The following RNF220 variants were observed in gnomAD, a reference collection of about 807,000 sequenced individuals.
RNF220 encodes the protein E3 ubiquitin-protein ligase RNF220.
In RNF220, 7 loss-of-function variants were observed where a neutral mutation model predicts 67.1. The ratio of observed to expected loss-of-function variants is 0.10; its 90% CI spans 0.06 to 0.20. The LOEUF is 0.20. Among genes scored for constraint, RNF220 ranks in the 10% least tolerant of loss-of-function variants. The probability of loss-of-function intolerance (pLI) is 1.00; values close to 1 mark genes in which losing one functional copy is unlikely to be tolerated. For synonymous variants in RNF220, 270 were observed against 283.2 expected (o/e 0.95, Z 0.47); for missense variants, 565 against 740.3 (o/e 0.76, Z 2.75).
chr1:44,591,035 C>G (rs1159842442), intron 2 of RNF220, among the ~76,000 whole-genome samples: 1 of 152,178 alleles, frequency 6.6e-6, no homozygotes, highest in African/African-American at 2.4e-5. Flanking sequence ...GATCTCAGCT[C>G]ACTGCAACCT....
chr1:44,489,814 C>T (rs1173542656), intron 2 of RNF220, among the ~76,000 whole-genome samples: 5 of 152,124 alleles, frequency 3.3e-5, no homozygotes, highest in Non-Finnish European at 7.4e-5. Flanking sequence ...CACCAGAATC[C>T]CATTGGCTGA....
At chr1:44,559,814 G>A (rs932186860) in intron 2 of RNF220, among the ~76,000 whole-genome samples, 4 of 152,252 alleles carry the variant, frequency 2.6e-5, no homozygotes, top group Admixed American at 2.0e-4. Context: ...TCTCTGCATC[G>A]ATGTCACTGT....
At chr1:44,455,312 A>G (rs1019715469) in intron 2 of RNF220, among the ~76,000 whole-genome samples, 13 of 152,210 alleles carry the variant, frequency 8.5e-5, no homozygotes, top group South Asian at 2.1e-4. Context: ...ACAGGATGGG[A>G]AAATGGAATC....
intron 2 of RNF220, among the ~76,000 whole-genome samples, chr1:44,496,905 G>A (rs1002687165): frequency 6.6e-6 from 1 of 152,188 alleles, no homozygotes; most frequent in Non-Finnish European, 1.5e-5. Flanking sequence ...AGCTGCGGGC[G>A]GCACCTCCAC....
chr1:44,607,729 TC>T (rs1667375895), intron 2 of RNF220, among the ~76,000 whole-genome samples: 1 of 152,102 alleles, frequency 6.6e-6, no homozygotes, highest in Non-Finnish European at 1.5e-5. Context: ...GACCTCGTGA[TC>T]CGCCCGCCTC....
chr1:44,504,535 G>A (rs1305526778), intron 2 of RNF220, among the ~76,000 whole-genome samples: 5 of 150,664 alleles, frequency 3.3e-5, no homozygotes, highest in Non-Finnish European at 5.9e-5. Flanking sequence ...TTAGGGATCC[G>A]GGTTTGTGAC....
intron 2 of RNF220, among the ~76,000 whole-genome samples, chr1:44,540,214 G>C (rs367922985): frequency 6.6e-6 from 1 of 152,160 alleles, no homozygotes; most frequent in Non-Finnish European, 1.5e-5. Flanking sequence ...TCTTCCCCAG[G>C]CTGCAGCAAG....
chr1:44,595,104 G>A (rs1558075585), intron 2 of RNF220, among the ~76,000 whole-genome samples: 1 of 152,146 alleles, frequency 6.6e-6, no homozygotes, highest in Non-Finnish European at 1.5e-5. Flanking sequence ...CAAAATCTAG[G>A]ATCCACTCTA....
intron 2 of RNF220, among the ~76,000 whole-genome samples, chr1:44,515,453 A>G (rs898376161): frequency 1.3e-5 from 2 of 152,202 alleles, no homozygotes; most frequent in African/African-American, 2.4e-5. Context: ...TGCTCTAGGA[A>G]TGAAGAAGTC....
chr1:44,454,604 GT>G (rs1278223346), intron 2 of RNF220, among the ~76,000 whole-genome samples: 1 of 146,790 alleles, frequency 6.8e-6, no homozygotes, highest in South Asian at 2.1e-4. Flanking sequence ...CAAGTTTATT[GT>G]TTTTTTGTTT....
intron 2 of RNF220, among the ~76,000 whole-genome samples, chr1:44,581,879 C>A (rs1665304708): frequency 6.6e-6 from 1 of 152,178 alleles, no homozygotes; most frequent in Non-Finnish European, 1.5e-5. Context: ...AGGTGTGAAG[C>A]AGCTGTGCCC....
chr1:44,547,190 T>C (rs562732186), intron 2 of RNF220, among the ~76,000 whole-genome samples: 3 of 152,334 alleles, frequency 2.0e-5, no homozygotes, highest in Admixed American at 6.5e-5. Context: ...GTCACAAAAA[T>C]GCAACTGGAC....
chr1:44,641,573 G>A (rs1349594021), intron 8 of RNF220, among the ~76,000 whole-genome samples: 1 of 152,236 alleles, frequency 6.6e-6, no homozygotes, highest in Non-Finnish European at 1.5e-5. Flanking sequence ...CTCTCCAAGC[G>A]GGAGGGGGGG....
At chr1:44,625,971 G>C (rs1643927590) in intron 4 of RNF220, among the ~76,000 whole-genome samples, 1 of 152,142 alleles carries the variant, frequency 6.6e-6, no homozygotes, top group Non-Finnish European at 1.5e-5. Flanking sequence ...GGGGATCCCA[G>C]AGTCTCTGCT....
At position 44,417,529 on chromosome 1, in the gene RNF220, G is replaced by A. The variant is rs527886301; in HGVS notation, c.625+4807G>A. Among the ~76,000 whole-genome samples the A allele has an allele frequency of 2.3e-3, 345 of 152,176 alleles. No individual in the cohort carries two copies. The highest frequency in any genetic ancestry group is 7.6e-3 in the African/African-American group (315 of 41,514). On this transcript the variant is annotated intron_variant, in intron 2 of 14. Transcript: ENST00000361799. This position sits in a 1 kb window ranked among gnomAD's most constrained non-coding sequence, Gnocchi z 4.0. ...GTGCTCCCGCTCTTCCCCTGCCCTC[G>A]CTCCACGCCGCGCCGCTCTGTGCGG...
intron 2 of RNF220, among the ~76,000 whole-genome samples, chr1:44,514,723 C>T (rs1307570787): frequency 1.3e-5 from 2 of 152,166 alleles, no homozygotes; most frequent in Admixed American, 6.5e-5. Flanking sequence ...AACATGATAA[C>T]AAGACCCATA....
chr1:44,412,158 G>A lies in RNF220; in HGVS notation c.61G>A (p.Ala21Thr), dbSNP rs565772939. The change falls in exon 2 of 15, where the codon GCA (alanine) becomes ACA (threonine). Residue 21 changes from alanine to threonine, a missense_variant. Coordinates refer to ENST00000361799, the MANE Select transcript of RNF220 (RefSeq NM_018150.4). This position sits in a 1 kb window ranked among gnomAD's most constrained non-coding sequence, Gnocchi z 5.3. The stretch of plus-strand genomic sequence containing the variant: ...CTCATCCTACCTTCCCAACCCTCTG[G>A]CATCCCCAGCACTGATGGTCCTGGC... Reference protein sequence around the residue: ...ENSSYLPNPLASPALMVLAST... With the variant: ...ENSSYLPNPLTSPALMVLAST... The A allele has an allele frequency of 9.9e-6, 16 of 1,613,978 alleles. No homozygotes were observed. Among genetic ancestry groups the A allele is most frequent in the Non-Finnish European group, 1.4e-5 (16 of 1,180,026 alleles).
Position 44,412,765 on chromosome 1 carries a change from C to G in RNF220, c.625+43C>G. 6.3e-7 allele frequency: 1 copy of G among 1,578,744 alleles called. No homozygotes were observed. Among genetic ancestry groups the G allele is most frequent in the Non-Finnish European group, 8.6e-7 (1 of 1,161,126 alleles). The stretch of plus-strand genomic sequence containing the variant: ...AGCCCTCCCTTACCCCCAGTAAGCC[C>G]TGCCTCACCGTGATGTTCAACAGGT... On this transcript the variant is annotated intron_variant, in intron 2 of 14. Transcript: ENST00000361799. This position sits in a 1 kb window ranked among gnomAD's most constrained non-coding sequence, Gnocchi z 5.3.
chr1:44,508,958 C>T (rs973985204), intron 2 of RNF220, among the ~76,000 whole-genome samples: 1 of 152,156 alleles, frequency 6.6e-6, no homozygotes, highest in Non-Finnish European at 1.5e-5. Flanking sequence ...AATGGGGCAT[C>T]CCCTGGAGGG....
Sources: allele counts gnomAD v4.1 joint callset (sites outside exome capture counted in the v4.1 genomes callset), GRCh38; gene constraint gnomAD v4.1.1; non-coding constraint Gnocchi (gnomAD v3.1); transcripts MANE v1.5; gene names NCBI Gene and HGNC (gene_info 2026-07-23, HGNC 2026-07-21).